The following PRKN variants were observed in gnomAD, a reference collection of about 807,000 sequenced individuals.
The protein encoded by PRKN is E3 ubiquitin-protein ligase parkin.
In PRKN, 56 loss-of-function variants were observed where a neutral mutation model predicts 59.5. The ratio of observed to expected loss-of-function variants is 0.94; its 90% CI spans 0.76 to 1.18. PRKN has a LOEUF of 1.18. Among genes scored for constraint, PRKN ranks in the 50% most tolerant of loss-of-function variants. The probability of loss-of-function intolerance (pLI) is 0.00; values close to 1 mark genes in which losing one functional copy is unlikely to be tolerated. For synonymous variants in PRKN, 250 were observed against 222.1 expected, an observed-to-expected ratio of 1.13 and a Z score of -1.12; for missense variants, 657 against 596.4, an observed-to-expected ratio of 1.10 and a Z score of -1.06.
intron 7 of PRKN, among the ~76,000 whole-genome samples, chr6:161,657,245 G>A (rs59167554): frequency 0.016 from 2,368 of 152,238 alleles, 56 homozygotes; most frequent in African/African-American, 0.055. Context: ...GTGACCTCAC[G>A]GCTCTGGATC....
At chr6:162,021,165 T>TATATAA (rs1554261920) in intron 5 of PRKN, among the ~76,000 whole-genome samples, 2 of 31,378 alleles carry the variant, frequency 6.4e-5, no homozygotes, top group East Asian at 3.8e-4. Flanking sequence ...TATATATATA[T>TATATAA]AAAATATATG....
chr6:161,368,314 T>C (rs991621026), intron 10 of PRKN, among the ~76,000 whole-genome samples: 3 of 145,834 alleles, frequency 2.1e-5, no homozygotes, highest in African/African-American at 7.5e-5. Context: ...TATTTGTATA[T>C]ATATTTATAT....
intron 4 of PRKN, among the ~76,000 whole-genome samples, chr6:162,188,382 T>C (rs1195628481): frequency 1.3e-5 from 2 of 152,128 alleles, no homozygotes; most frequent in Non-Finnish European, 2.9e-5. Context: ...TCGCTCTGAA[T>C]TGTCATTTCC....
intron 9 of PRKN, among the ~76,000 whole-genome samples, chr6:161,507,706 C>A (rs139649057): frequency 4.2e-4 from 64 of 152,206 alleles, no homozygotes; most frequent in African/African-American, 1.4e-3. Context: ...GTACCATGCA[C>A]AGTTGATATT....
At chr6:162,608,989 A>C (rs1468899167) in intron 1 of PRKN, among the ~76,000 whole-genome samples, 1 of 152,184 alleles carries the variant, frequency 6.6e-6, no homozygotes, top group Non-Finnish European at 1.5e-5. Flanking sequence ...CCTCTCTGCC[A>C]GTGAGGCTCT....
chr6:162,184,896 C>A (rs1360015562), intron 4 of PRKN, among the ~76,000 whole-genome samples: 1 of 152,056 alleles, frequency 6.6e-6, no homozygotes, highest in East Asian at 1.9e-4. Context: ...TTTAACAATA[C>A]GAGTTTCTGT....
chr6:162,659,293 G>A (rs1778789741), intron 1 of PRKN, among the ~76,000 whole-genome samples: 1 of 146,438 alleles, frequency 6.8e-6, no homozygotes, highest in South Asian at 2.2e-4. Flanking sequence ...GGTTTATATT[G>A]GAACAAGTTT....
At chr6:162,215,982 G>A (rs1777633044) in intron 3 of PRKN, among the ~76,000 whole-genome samples, 1 of 152,078 alleles carries the variant, frequency 6.6e-6, no homozygotes, top group Admixed American at 6.5e-5. Context: ...CCGGGAGGCA[G>A]AGGTAGCAGT....
chr6:162,421,715 T>C (rs1240482100), intron 2 of PRKN, among the ~76,000 whole-genome samples: 2 of 152,080 alleles, frequency 1.3e-5, no homozygotes, highest in Non-Finnish European at 2.9e-5. Context: ...AGCAACAGTC[T>C]ACTGCAAACA....
intron 7 of PRKN, among the ~76,000 whole-genome samples, chr6:161,598,099 G>T (rs377339559): frequency 1.7e-4 from 26 of 152,206 alleles, no homozygotes; most frequent in African/African-American, 6.3e-4. Flanking sequence ...ATATCTGTAG[G>T]GCCTAGCACA....
At chr6:162,021,933 GA>G (rs1783221746) in intron 5 of PRKN, among the ~76,000 whole-genome samples, 1 of 152,056 alleles carries the variant, frequency 6.6e-6, no homozygotes, top group African/African-American at 2.4e-5. Context: ...ACTTATAAGT[GA>G]GAACATGCAA....
chr6:161,364,474 A>C (rs1305303479), intron 10 of PRKN, among the ~76,000 whole-genome samples: 2 of 61,242 alleles, frequency 3.3e-5, no homozygotes, highest in Non-Finnish European at 6.9e-5. Context: ...CCCGCCCCGC[A>C]AAAAAAAAAA....
At chr6:161,477,151 C>T (rs1472235641) in intron 9 of PRKN, among the ~76,000 whole-genome samples, 1 of 152,196 alleles carries the variant, frequency 6.6e-6, no homozygotes, top group Non-Finnish European at 1.5e-5. Flanking sequence ...AGATATTTGG[C>T]TTTAAAAGTA....
chr6:161,680,814 G>A (rs1439969172), intron 7 of PRKN, among the ~76,000 whole-genome samples: 7 of 131,214 alleles, frequency 5.3e-5, no homozygotes, highest in Admixed American at 8.6e-5. Flanking sequence ...AACATGGAAA[G>A]GTACTAAGCA....
intron 1 of PRKN, among the ~76,000 whole-genome samples, chr6:162,555,981 CA>C (rs772336975): frequency 4.9e-4 from 44 of 90,360 alleles, no homozygotes; most frequent in South Asian, 1.5e-3. Flanking sequence ...AACTCCATCT[CA>C]AAAAAAAAAA....
intron 6 of PRKN, among the ~76,000 whole-genome samples, chr6:161,803,232 T>C (rs1791164856): frequency 6.6e-6 from 1 of 152,136 alleles, no homozygotes. Flanking sequence ...CTTCTTTGGG[T>C]CTTCATTTCC....
Position 161,545,132 on chromosome 6 carries a change from A to G in PRKN, c.1083+3722T>C, listed in dbSNP as rs1779750408. 2.3e-6 allele frequency: 3 copies of G among 1,280,984 alleles called. No homozygotes were observed. Among genetic ancestry groups the G allele is most frequent in the Non-Finnish European group, 3.0e-6 (3 of 1,014,780 alleles). 79.4% of individuals were successfully genotyped at this position (1,280,984 alleles called of 1,614,324 possible). The stretch of plus-strand genomic sequence containing the variant: ...AGAGAATTTGGTTTTCAACTTTTTT[A>G]TACGCGATTTTTTTTGTAACAGCTA... On this transcript the variant is annotated intron_variant, in intron 9 of 11. Coordinates refer to ENST00000366898, the MANE Select transcript of PRKN (RefSeq NM_004562.3). This position sits in a 1 kb window ranked among gnomAD's most constrained non-coding sequence, Gnocchi z 4.1.
At chr6:161,604,461 A>G (rs929571697) in intron 7 of PRKN, among the ~76,000 whole-genome samples, 3 of 152,142 alleles carry the variant, frequency 2.0e-5, no homozygotes, top group African/African-American at 7.2e-5. Flanking sequence ...CCTCCAATCT[A>G]CTCGGCTAAC....
intron 9 of PRKN, among the ~76,000 whole-genome samples, chr6:161,411,425 C>A (rs1287700848): frequency 6.6e-6 from 1 of 152,192 alleles, no homozygotes; most frequent in African/African-American, 2.4e-5. Context: ...GCCTCCCCAG[C>A]CATGTGGAAT....
Sources: allele counts gnomAD v4.1 joint callset (sites outside exome capture counted in the v4.1 genomes callset), GRCh38; gene constraint gnomAD v4.1.1; non-coding constraint Gnocchi (gnomAD v3.1); transcripts MANE v1.5; gene names NCBI Gene and HGNC (gene_info 2026-07-23, HGNC 2026-07-21).